The following PVT1 variants were observed in gnomAD, a reference collection of about 807,000 sequenced individuals.
The protein encoded by PVT1 is Pvt1 oncogene, also known as CXCR4/PVT1 fusion.
At chr8:128,002,826 A>C in intron 4 of PVT1, among the ~76,000 whole-genome samples, 1 of 152,052 alleles carries the variant, frequency 6.6e-6, no homozygotes, top group African/African-American at 2.4e-5. Context: ...GGACACAGTT[A>C]AACCCACAAC....
intron 4 of PVT1, among the ~76,000 whole-genome samples, chr8:128,042,032 G>C (rs1813551746): frequency 6.6e-6 from 1 of 152,158 alleles, no homozygotes; most frequent in Non-Finnish European, 1.5e-5. Context: ...CTAACCTCCA[G>C]TCTCTTGAAG....
chr8:127,910,312 T>C (rs191719541), intron 3 of PVT1, among the ~76,000 whole-genome samples: 65 of 152,138 alleles, frequency 4.3e-4, no homozygotes, highest in Admixed American at 9.8e-4. Context: ...TTTTAGAAGG[T>C]GGTTTTTGTT....
chr8:127,964,940 G>A (rs976244033), intron 3 of PVT1, among the ~76,000 whole-genome samples: 2 of 152,134 alleles, frequency 1.3e-5, no homozygotes, highest in South Asian at 2.1e-4. Flanking sequence ...GATTACAGGC[G>A]TGAGCCCCCA....
chr8:127,815,371 G>T (rs778485904), intron 2 of PVT1, among the ~76,000 whole-genome samples: 5 of 152,150 alleles, frequency 3.3e-5, no homozygotes, highest in Non-Finnish European at 5.9e-5. Flanking sequence ...TTAACTCTTT[G>T]TTTTGTTGCC....
intron 2 of PVT1, among the ~76,000 whole-genome samples, chr8:127,811,204 G>T (rs185052652): frequency 1.3e-5 from 2 of 152,242 alleles, no homozygotes; most frequent in Admixed American, 6.5e-5. Flanking sequence ...CTCTCCTCAT[G>T]CCAAAAGATA....
chr8:128,010,979 C>T (rs1051103650), intron 4 of PVT1, among the ~76,000 whole-genome samples: 5 of 152,200 alleles, frequency 3.3e-5, no homozygotes, highest in Non-Finnish European at 7.3e-5. Context: ...GAGTCTTAAT[C>T]TCTAGAATAA....
At chr8:127,811,632 CTG>C (rs1814595663) in intron 2 of PVT1, among the ~76,000 whole-genome samples, 1 of 152,226 alleles carries the variant, frequency 6.6e-6, no homozygotes, top group Non-Finnish European at 1.5e-5. Context: ...TAGTGATAGT[CTG>C]TATGTGCCTG....
At chr8:127,816,847 G>T (rs1814666759) in intron 2 of PVT1, among the ~76,000 whole-genome samples, 1 of 152,144 alleles carries the variant, frequency 6.6e-6, no homozygotes, top group South Asian at 2.1e-4. Flanking sequence ...GAAATTCCAT[G>T]CTGCCTTCAG....
chr8:127,908,570 GACCTTGTGATCCGCCC>G, intron 3 of PVT1, among the ~76,000 whole-genome samples: 1 of 152,170 alleles, frequency 6.6e-6, no homozygotes, highest in East Asian at 1.9e-4. Context: ...TCAAACTCCT[GACCTTGTGATCCGCCC>G]ACCTCAGCCT....
chr8:127,942,765 G>A (rs1340807950), intron 3 of PVT1, among the ~76,000 whole-genome samples: 1 of 152,210 alleles, frequency 6.6e-6, no homozygotes, highest in East Asian at 1.9e-4. Context: ...GGGAAAGACT[G>A]TGAGATTCAG....
chr8:127,960,943 T>TG (rs1219833158), intron 3 of PVT1, among the ~76,000 whole-genome samples: 1,398 of 27,688 alleles, frequency 0.05, 22 homozygotes, highest in African/African-American at 0.074. Context: ...TGTTTGGGGG[T>TG]GGGGGGGGCG....
intron 2 of PVT1, among the ~76,000 whole-genome samples, chr8:127,874,884 C>A (rs976468861): frequency 3.3e-5 from 5 of 151,122 alleles, no homozygotes; most frequent in African/African-American, 9.8e-5. Context: ...CCTCGCTCTG[C>A]AGTCTTGGTT....
chr8:127,828,937 C>T (rs1455202451), intron 2 of PVT1, among the ~76,000 whole-genome samples: 1 of 152,112 alleles, frequency 6.6e-6, no homozygotes, highest in Admixed American at 6.6e-5. Flanking sequence ...TTGTTAGCAT[C>T]TGAGACAAGC....
At chr8:128,082,500 G>T (rs1416535018) in intron 5 of PVT1, among the ~76,000 whole-genome samples, 1 of 152,210 alleles carries the variant, frequency 6.6e-6, no homozygotes, top group African/African-American at 2.4e-5. Context: ...GCTGTCTCTT[G>T]TTACCTCAAA....
intron 3 of PVT1, among the ~76,000 whole-genome samples, chr8:127,985,590 C>T (rs1816960668): frequency 6.6e-6 from 1 of 152,134 alleles, no homozygotes. Context: ...GCTCGGCTTG[C>T]TGGATTTGAT....
intron 4 of PVT1, among the ~76,000 whole-genome samples, chr8:128,022,795 A>T (rs1054284903): frequency 1.3e-5 from 2 of 151,792 alleles, no homozygotes; most frequent in African/African-American, 4.8e-5. Context: ...TTCTTCACTC[A>T]TTCCCTGTAT....
chr8:127,988,405 A>G (rs1816993991), intron 3 of PVT1, among the ~76,000 whole-genome samples: 1 of 152,192 alleles, frequency 6.6e-6, no homozygotes, highest in Non-Finnish European at 1.5e-5. Flanking sequence ...GGAGCATCAC[A>G]GTTCTTTGAA....
At position 127,827,941 on chromosome 8, in the gene PVT1, T is replaced by C. The variant is rs567304328; in HGVS notation, n.372+31870T>C. Among the ~76,000 whole-genome samples, 12 of 152,278 alleles carry C rather than the reference T, an allele frequency of 7.9e-5. No individual in the cohort carries two copies. In the South Asian group the frequency reaches 2.5e-3, roughly 32 times the overall value. On this transcript the variant is annotated intron_variant and non_coding_transcript_variant, in intron 2 of 10. Coordinates refer to ENST00000651587, the Ensembl canonical transcript of PVT1. ...CAGGCTGTTAGGGCCAAGTGCCTGC[T>C]CTTTGGAGGGCATCTAGTTCAATGT...
intron 3 of PVT1, among the ~76,000 whole-genome samples, chr8:127,959,689 TGGG>T (rs1816615823): frequency 1.3e-5 from 2 of 151,822 alleles, no homozygotes; most frequent in South Asian, 4.2e-4. Context: ...ACATCTTTAA[TGGG>T]CCAGAGGCTG....
Sources: gnomAD v4.1 joint callset for allele counts (sites outside exome capture counted in the v4.1 genomes callset) on GRCh38, gnomAD v4.1.1 for gene constraint, MANE v1.5 for transcripts, NCBI Gene and HGNC (gene_info 2026-07-23, HGNC 2026-07-21) for gene names.